NRG3: variants seen among roughly 807,000 people sequenced by gnomAD.
NRG3 encodes pro-neuregulin-3, membrane-bound isoform.
Under a neutral mutation model 66.9 loss-of-function variants are expected in NRG3, and 31 were observed. The observed-to-expected ratio is 0.46, with a 90% CI of 0.35 to 0.63. The LOEUF (loss-of-function observed/expected upper bound fraction) is 0.63. NRG3 is among the 20% of genes least tolerant of loss of function. The pLI is 0.00. For missense variants in NRG3, 910 were observed against 878.9 expected (o/e 1.04, Z -0.45); for synonymous variants, 393 against 359.4 (o/e 1.09, Z -1.06).
At chr10:82,378,581 C>G (rs2085412315) in intron 2 of NRG3, among the ~76,000 whole-genome samples, 1 of 151,210 alleles carries the variant, frequency 6.6e-6, no homozygotes, top group East Asian at 2.0e-4. Context: ...CTTTTCTTTT[C>G]TTTCTTTTTG....
At chr10:82,796,994 AG>A (rs1395288663) in intron 3 of NRG3, among the ~76,000 whole-genome samples, 1 of 152,200 alleles carries the variant, frequency 6.6e-6, no homozygotes, top group Non-Finnish European at 1.5e-5. Context: ...TATGAAAAAA[AG>A]ATGTATACCA....
At chr10:82,699,252 GA>G in intron 2 of NRG3, among the ~76,000 whole-genome samples, 1 of 68,122 alleles carries the variant, frequency 1.5e-5, no homozygotes, top group African/African-American at 1.7e-4. Context: ...AGGAAAGAGG[GA>G]AGGAAGGAAG....
At chr10:82,431,691 T>C (rs914949884) in intron 2 of NRG3, among the ~76,000 whole-genome samples, 4 of 152,196 alleles carry the variant, frequency 2.6e-5, no homozygotes, top group Admixed American at 2.6e-4. Flanking sequence ...CTCACAAATA[T>C]CTTTGCTAAA....
At chr10:82,673,125 TGTGA>T (rs1025044676) in intron 2 of NRG3, among the ~76,000 whole-genome samples, 2 of 152,180 alleles carry the variant, frequency 1.3e-5, no homozygotes, top group Non-Finnish European at 2.9e-5. Context: ...ATTGCTGCAG[TGTGA>T]GTGAGTGTGG....
intron 2 of NRG3, among the ~76,000 whole-genome samples, chr10:82,507,535 G>C (rs1417290004): frequency 6.6e-6 from 1 of 152,170 alleles, no homozygotes; most frequent in Non-Finnish European, 1.5e-5. Context: ...AAGACACAAA[G>C]CCTGTAGCTG....
intron 1 of NRG3, among the ~76,000 whole-genome samples, chr10:82,113,067 G>T (rs1227433645): frequency 2.0e-5 from 3 of 152,176 alleles, no homozygotes; most frequent in African/African-American, 7.2e-5. Context: ...GATTTTGACA[G>T]AATTGAAGAC....
At position 82,743,696 on chromosome 10, in the gene NRG3, A is replaced by G. The variant is rs145189078; in HGVS notation, c.1027+5046A>G. On this transcript the variant is annotated intron_variant, in intron 3 of 8. Coordinates refer to ENST00000372141, the MANE Select transcript of NRG3 (RefSeq NM_001010848.4). ...CAGAGCCAAGTGGTGCCCCTTTGCC[A>G]TATGTGTCACAGTGAAGGAAAAAAA... Among the ~76,000 whole-genome samples, 660 of 152,044 alleles carry G rather than the reference A, an allele frequency of 4.3e-3. 8 individuals carry two copies. Among genetic ancestry groups the G allele is most frequent in the African/African-American group, 0.014 (581 of 41,492 alleles).
intron 1 of NRG3, among the ~76,000 whole-genome samples, chr10:82,203,880 T>C (rs998622596): frequency 2.6e-5 from 4 of 152,178 alleles, no homozygotes; most frequent in Non-Finnish European, 4.4e-5. Flanking sequence ...TTTAGCATTC[T>C]CTAATGCAGT....
intron 3 of NRG3, among the ~76,000 whole-genome samples, chr10:82,858,671 A>T (rs1458754221): frequency 6.6e-6 from 1 of 152,188 alleles, no homozygotes; most frequent in African/African-American, 2.4e-5. Context: ...AGAGTGACAG[A>T]TTTCAGTTCA....
intron 1 of NRG3, among the ~76,000 whole-genome samples, chr10:81,991,207 C>T (rs1434174019): frequency 6.6e-6 from 1 of 151,990 alleles, no homozygotes; most frequent in Non-Finnish European, 1.5e-5. Flanking sequence ...ACATTGTTTC[C>T]AAGAATCATA....
At chr10:82,349,722 G>A (rs1477203558) in intron 1 of NRG3, among the ~76,000 whole-genome samples, 2 of 152,046 alleles carry the variant, frequency 1.3e-5, no homozygotes, top group East Asian at 1.9e-4. Flanking sequence ...GGGAGACTCC[G>A]TGGGCGTAGG....
At chr10:82,768,223 A>G (rs1565294056) in intron 3 of NRG3, among the ~76,000 whole-genome samples, 3 of 151,028 alleles carry the variant, frequency 2.0e-5, no homozygotes, top group Non-Finnish European at 4.4e-5. Context: ...TTTCACTTTC[A>G]CGTGTACTAG....
At chr10:82,797,265 A>T (rs2060839808) in intron 3 of NRG3, among the ~76,000 whole-genome samples, 1 of 152,098 alleles carries the variant, frequency 6.6e-6, no homozygotes, top group Admixed American at 6.5e-5. Context: ...GACGTTTCCT[A>T]TGGCTCTCTC....
At chr10:82,896,908 C>T (rs1843708636) in intron 4 of NRG3, among the ~76,000 whole-genome samples, 1 of 152,320 alleles carries the variant, frequency 6.6e-6, no homozygotes, top group South Asian at 2.1e-4. Context: ...AAACCCCATA[C>T]TCATGATTAG....
intron 1 of NRG3, among the ~76,000 whole-genome samples, chr10:81,977,679 GA>G (rs758501743): frequency 6.6e-6 from 1 of 152,092 alleles, no homozygotes; most frequent in Non-Finnish European, 1.5e-5. Flanking sequence ...TTTTCTAAAT[GA>G]AAACACTCTG....
intron 1 of NRG3, among the ~76,000 whole-genome samples, chr10:82,347,778 T>G (rs1343083503): frequency 1.8e-4 from 28 of 152,328 alleles, no homozygotes; most frequent in Non-Finnish European, 3.5e-4. Context: ...ATATTTAGGA[T>G]AGTTAGCTCT....
intron 1 of NRG3, among the ~76,000 whole-genome samples, chr10:82,044,898 A>C (rs2063206904): frequency 6.6e-6 from 1 of 151,862 alleles, no homozygotes; most frequent in African/African-American, 2.4e-5. Context: ...ATATGAACTC[A>C]TCATTTTTTA....
intron 1 of NRG3, among the ~76,000 whole-genome samples, chr10:82,357,182 G>T (rs1215928016): frequency 6.6e-6 from 1 of 152,208 alleles, no homozygotes; most frequent in South Asian, 2.1e-4. Context: ...AATGATAGTT[G>T]AAAATTAAGT....
At chr10:82,975,547 A>C (rs1306229127) in intron 7 of NRG3, among the ~76,000 whole-genome samples, 1 of 152,168 alleles carries the variant, frequency 6.6e-6, no homozygotes, top group Non-Finnish European at 1.5e-5. Flanking sequence ...ATGACATTGC[A>C]GTATCTGTTG....
Sources: allele counts gnomAD v4.1 joint callset (sites outside exome capture counted in the v4.1 genomes callset), GRCh38; gene constraint gnomAD v4.1.1; transcripts MANE v1.5; gene names NCBI Gene and HGNC (gene_info 2026-07-23, HGNC 2026-07-21).